Variants in EXOC4 observed in about 807,000 individuals in gnomAD.
EXOC4 encodes SEC8-like 1.
In EXOC4, 71 loss-of-function variants were observed where a neutral mutation model predicts 107.2. The ratio of observed to expected loss-of-function variants is 0.66; its 90% confidence interval spans 0.55 to 0.81. The LOEUF is 0.81. EXOC4 is among the 30% of genes least tolerant of loss of function. EXOC4 has a pLI of 0.00. For synonymous variants in EXOC4, 456 were observed against 441.2 expected, an observed-to-expected ratio of 1.03 and a Z score of -0.42; for missense variants, 1,108 against 1,189.6, an observed-to-expected ratio of 0.93 and a Z score of 1.01.
At chr7:133,892,935 A>C (rs1373165714) in intron 11 of EXOC4, among the ~76,000 whole-genome samples, 2 of 89,316 alleles carry the variant, frequency 2.2e-5, no homozygotes, top group African/African-American at 1.1e-4. Flanking sequence ...GTAGATGTCT[A>C]TTAGGTCTGC....
intron 7 of EXOC4, among the ~76,000 whole-genome samples, chr7:133,443,575 C>G (rs531142963): frequency 6.6e-6 from 1 of 152,220 alleles, no homozygotes; most frequent in South Asian, 2.1e-4. Flanking sequence ...CCAGCAGATG[C>G]TTTGGGTGAG....
rs1029181509 is a variant in EXOC4, at chr7:133,291,873, A to G, written c.471+2757A>G. Reference sequence around the variant, plus strand: ...TATTGAATCCTTTTTCTACTGATTCATGATGCTATTTTGGTCACACAGCAA... The same window carrying G: ...TATTGAATCCTTTTTCTACTGATTCGTGATGCTATTTTGGTCACACAGCAA... On this transcript the variant is annotated intron_variant, in intron 3 of 17. Coordinates refer to ENST00000253861, the MANE Select transcript of EXOC4 (RefSeq NM_021807.4). 1.2e-4 allele frequency among the ~76,000 whole-genome samples: 18 copies of G among 152,106 alleles called. 1 individual carries two copies. The highest frequency in any genetic ancestry group is 3.9e-4 in the African/African-American group (16 of 41,410).
At chr7:133,371,674 C>T (rs1183409365) in intron 6 of EXOC4, among the ~76,000 whole-genome samples, 7 of 152,062 alleles carry the variant, frequency 4.6e-5, no homozygotes, top group East Asian at 1.9e-4. Context: ...TGGGTTGTTG[C>T]GCATAACACT....
intron 9 of EXOC4, among the ~76,000 whole-genome samples, chr7:133,615,983 T>C (rs1250700591): frequency 6.6e-6 from 1 of 152,186 alleles, no homozygotes; most frequent in Non-Finnish European, 1.5e-5. Flanking sequence ...GAGTCACTGT[T>C]TTTGATCAGT....
chr7:134,012,754 G>C (rs1190415916), intron 17 of EXOC4, among the ~76,000 whole-genome samples: 4 of 152,184 alleles, frequency 2.6e-5, no homozygotes, highest in African/African-American at 9.7e-5. Context: ...AAGAGAAGCT[G>C]TCCAAGAATT....
At chr7:133,848,234 C>T (rs186156927) in intron 11 of EXOC4, among the ~76,000 whole-genome samples, 1 of 152,184 alleles carries the variant, frequency 6.6e-6, no homozygotes, top group East Asian at 1.9e-4. Flanking sequence ...GCCTTTTTGC[C>T]TGCGTGTACA....
chr7:133,610,024 T>C (rs73726932), intron 9 of EXOC4, among the ~76,000 whole-genome samples: 3,577 of 152,336 alleles, frequency 0.023, 146 homozygotes, highest in African/African-American at 0.082. Flanking sequence ...ACTATTCTTA[T>C]TGTTTCATAA....
intron 5 of EXOC4, among the ~76,000 whole-genome samples, chr7:133,344,707 CA>C (rs1795746001): frequency 6.6e-6 from 1 of 152,196 alleles, no homozygotes; most frequent in African/African-American, 2.4e-5. Context: ...TCCCTATAGT[CA>C]GCTCTGTGAT....
intron 11 of EXOC4, among the ~76,000 whole-genome samples, chr7:133,830,612 A>T (rs1797789164): frequency 1.3e-5 from 2 of 152,206 alleles, no homozygotes; most frequent in Non-Finnish European, 2.9e-5. Context: ...TTGTGTTTGT[A>T]AAAAATAAAC....
chr7:133,721,655 T>C (rs1476459260), intron 10 of EXOC4, among the ~76,000 whole-genome samples: 2 of 152,184 alleles, frequency 1.3e-5, no homozygotes, highest in Non-Finnish European at 2.9e-5. Context: ...GCGTCTCTTT[T>C]CATGTAGTCA....
intron 10 of EXOC4, among the ~76,000 whole-genome samples, chr7:133,696,681 C>G (rs1295838703): frequency 6.6e-6 from 1 of 152,162 alleles, no homozygotes; most frequent in African/African-American, 2.4e-5. Context: ...AAGAGAATAA[C>G]ATAATTATTG....
intron 9 of EXOC4, among the ~76,000 whole-genome samples, chr7:133,516,185 A>G (rs773045608): frequency 1.4e-4 from 22 of 152,202 alleles, no homozygotes; most frequent in Non-Finnish European, 2.4e-4. Flanking sequence ...ACGTTTTAAA[A>G]AGCAGCTGTA....
chr7:133,496,970 A>G (rs1482689314), intron 9 of EXOC4, among the ~76,000 whole-genome samples: 1 of 152,206 alleles, frequency 6.6e-6, no homozygotes, highest in East Asian at 1.9e-4. Context: ...AAAAAGCAGC[A>G]GAAGGTGCTC....
intron 7 of EXOC4, among the ~76,000 whole-genome samples, chr7:133,456,820 A>AAT (rs1798473382): frequency 6.6e-6 from 1 of 152,200 alleles, no homozygotes; most frequent in African/African-American, 2.4e-5. Context: ...AGCACTCATA[A>AAT]ATGCTGTTTA....
At chr7:133,914,659 C>G (rs1050604199) in intron 12 of EXOC4, among the ~76,000 whole-genome samples, 2 of 151,942 alleles carry the variant, frequency 1.3e-5, no homozygotes, top group African/African-American at 4.8e-5. Flanking sequence ...AAAAAAATTA[C>G]AAACCTATTT....
chr7:133,696,872 T>C (rs1409804447), intron 10 of EXOC4, among the ~76,000 whole-genome samples: 1 of 152,222 alleles, frequency 6.6e-6, no homozygotes, highest in Non-Finnish European at 1.5e-5. Flanking sequence ...GGAACATTAT[T>C]AGTGTAGTTT....
At chr7:133,442,057 C>T (rs1258449905) in intron 7 of EXOC4, among the ~76,000 whole-genome samples, 1 of 152,188 alleles carries the variant, frequency 6.6e-6, no homozygotes, top group Non-Finnish European at 1.5e-5. Flanking sequence ...GATTGACCCA[C>T]TTACAAGGCT....
chr7:133,470,031 A>C lies in EXOC4; in HGVS notation c.1183-5297A>C, dbSNP rs77628579. ...TGAGAGGGTGGAATCACAGGTTATA[A>C]GCATGGCTACCAGAGTCCACTATGT... On this transcript the variant is annotated intron_variant, in intron 7 of 17. Transcript: ENST00000253861. 8.5e-5 allele frequency among the ~76,000 whole-genome samples: 13 copies of C among 152,316 alleles called. No individual in the cohort carries two copies. The East Asian group carries it at 2.3e-3, about 27-fold the overall frequency.
At chr7:133,255,739 T>A (rs1327480445) in intron 1 of EXOC4, among the ~76,000 whole-genome samples, 1 of 152,194 alleles carries the variant, frequency 6.6e-6, no homozygotes, top group African/African-American at 2.4e-5. Context: ...CTTCCTAATA[T>A]GCTTTTGAAC....
Sources: gnomAD v4.1 joint callset for allele counts (sites outside exome capture counted in the v4.1 genomes callset) on GRCh38, gnomAD v4.1.1 for gene constraint, MANE v1.5 for transcripts, NCBI Gene and HGNC (gene_info 2026-07-23, HGNC 2026-07-21) for gene names.